Variants in CCDC3 observed in about 807,000 individuals in gnomAD.
CCDC3 encodes coiled-coil domain-containing protein 3.
In CCDC3, 24 loss-of-function variants were observed where a neutral mutation model predicts 21.4. The observed-to-expected ratio is 1.12, with a 90% CI of 0.81 to 1.58. The LOEUF is 1.58. CCDC3 is among the 40% of genes most tolerant of loss of function. The pLI is 0.00. For missense variants in CCDC3, 425 were observed against 360.9 expected (o/e 1.18, Z -1.44); for synonymous variants, 186 against 166.0 (o/e 1.12, Z -0.93).
At chr10:13,028,771 A>G (rs1374762074) in intron 5 of CCDC3, among the ~76,000 whole-genome samples, 1 of 152,220 alleles carries the variant, frequency 6.6e-6, no homozygotes, top group East Asian at 1.9e-4. Context: ...GCAGGATTGT[A>G]GTGGCACATG....
intron 3 of CCDC3, among the ~76,000 whole-genome samples, chr10:13,085,935 C>G (rs906157063): frequency 6.6e-6 from 1 of 150,384 alleles, no homozygotes; most frequent in Non-Finnish European, 1.5e-5. Flanking sequence ...CAACTGCACT[C>G]CAGCCTGGGT....
At chr10:12,944,275 T>C (rs902323454) in intron 2 of CCDC3, among the ~76,000 whole-genome samples, 2 of 152,226 alleles carry the variant, frequency 1.3e-5, no homozygotes, top group Admixed American at 1.3e-4. Flanking sequence ...ACATTCACCA[T>C]CCATTCTCTC....
intron 3 of CCDC3, among the ~76,000 whole-genome samples, chr10:13,079,832 G>A (rs911925992): frequency 6.6e-6 from 1 of 152,166 alleles, no homozygotes; most frequent in African/African-American, 2.4e-5. Flanking sequence ...GCTGGCAGAG[G>A]CAGGGAAGAG....
intron 2 of CCDC3, among the ~76,000 whole-genome samples, chr10:12,916,803 C>T (rs532351409): frequency 6.6e-6 from 1 of 152,278 alleles, no homozygotes; most frequent in Admixed American, 6.5e-5. Context: ...GGGTCTGTGG[C>T]TGCTGGCTTG....
intron 5 of CCDC3, among the ~76,000 whole-genome samples, chr10:13,026,081 T>G (rs1246577177): frequency 6.6e-6 from 1 of 152,072 alleles, no homozygotes; most frequent in East Asian, 1.9e-4. Context: ...CTCAGGAGGC[T>G]GAGGCACGAG....
chr10:13,022,276 T>C (rs1413766036), intron 5 of CCDC3, among the ~76,000 whole-genome samples: 2 of 152,094 alleles, frequency 1.3e-5, no homozygotes, highest in Admixed American at 1.3e-4. Context: ...TCCACACCTA[T>C]AAGGGCATGC....
chr10:12,978,154 G>A (rs1188272126), intron 2 of CCDC3, among the ~76,000 whole-genome samples: 2 of 152,214 alleles, frequency 1.3e-5, no homozygotes, highest in Non-Finnish European at 1.5e-5. Context: ...AAGTAGCTGG[G>A]ACTATAGGCA....
At chr10:13,024,717 C>T (rs1311650791) in intron 5 of CCDC3, among the ~76,000 whole-genome samples, 1 of 152,202 alleles carries the variant, frequency 6.6e-6, no homozygotes, top group Non-Finnish European at 1.5e-5. Flanking sequence ...TCATAGGCAA[C>T]TAAAAAGAAG....
chr10:13,096,842 C>G (rs748227765), intron 3 of CCDC3, among the ~76,000 whole-genome samples: 8 of 152,152 alleles, frequency 5.3e-5, no homozygotes, highest in Non-Finnish European at 4.4e-5. Context: ...CTCCTCCTCC[C>G]AATCTGGGGG....
At chr10:13,008,416 C>T (rs976386949) in intron 5 of CCDC3, among the ~76,000 whole-genome samples, 2 of 152,062 alleles carry the variant, frequency 1.3e-5, no homozygotes, top group Admixed American at 6.6e-5. Flanking sequence ...AGCAGCAGTG[C>T]GGTGAATGCC....
At chr10:13,010,611 T>C (rs541357605) in intron 5 of CCDC3, among the ~76,000 whole-genome samples, 3 of 152,332 alleles carry the variant, frequency 2.0e-5, no homozygotes, top group Admixed American at 2.0e-4. Context: ...CTCCTAGGGA[T>C]ATACTAGAGA....
chr10:12,938,908 G>C (rs538937465), intron 2 of CCDC3, among the ~76,000 whole-genome samples: 1 of 152,214 alleles, frequency 6.6e-6, no homozygotes, highest in East Asian at 1.9e-4. Flanking sequence ...CTGCGTTCTG[G>C]TCCATAGCCC....
At chr10:13,009,044 A>G (rs1387925978) in intron 5 of CCDC3, among the ~76,000 whole-genome samples, 1 of 152,258 alleles carries the variant, frequency 6.6e-6, no homozygotes, top group Non-Finnish European at 1.5e-5. Flanking sequence ...GAATCTACAA[A>G]AAAGCTACTA....
At chr10:13,071,986 A>G (rs940776768) in intron 4 of CCDC3, among the ~76,000 whole-genome samples, 1 of 152,060 alleles carries the variant, frequency 6.6e-6, no homozygotes, top group Non-Finnish European at 1.5e-5. Flanking sequence ...TTGGTTTAGT[A>G]CTGGGCTCAG....
chr10:12,931,708 G>T (rs989408825), intron 2 of CCDC3, among the ~76,000 whole-genome samples: 2 of 152,130 alleles, frequency 1.3e-5, no homozygotes, highest in Non-Finnish European at 2.9e-5. Flanking sequence ...AATATTTTCT[G>T]CTTAAAATAT....
intron 2 of CCDC3, among the ~76,000 whole-genome samples, chr10:12,977,552 T>C (rs1303057233): frequency 6.6e-6 from 1 of 152,132 alleles, no homozygotes; most frequent in Non-Finnish European, 1.5e-5. Context: ...TCCAGAAGCA[T>C]AAACCCCAGG....
intron 2 of CCDC3, among the ~76,000 whole-genome samples, chr10:12,963,968 G>C (rs1835219474): frequency 6.6e-6 from 1 of 152,126 alleles, no homozygotes; most frequent in Non-Finnish European, 1.5e-5. Context: ...GTCGTTATTG[G>C]TCTAAGCTAA....
intron 2 of CCDC3, among the ~76,000 whole-genome samples, chr10:12,900,345 A>G (rs1201970043): frequency 6.6e-6 from 1 of 151,962 alleles, no homozygotes; most frequent in Admixed American, 6.6e-5. Context: ...ATTCCCAAAG[A>G]AAGACTTGAG....
At chr10:13,059,959 C>T (rs936423018) in intron 4 of CCDC3, among the ~76,000 whole-genome samples, 1 of 152,002 alleles carries the variant, frequency 6.6e-6, no homozygotes, top group Non-Finnish European at 1.5e-5. Context: ...TGATGGCGGG[C>T]TGTAATCCCA....
Sources: gnomAD v4.1 joint callset for allele counts (sites outside exome capture counted in the v4.1 genomes callset) on GRCh38, gnomAD v4.1.1 for gene constraint, MANE v1.5 for transcripts, NCBI Gene and HGNC (gene_info 2026-07-23, HGNC 2026-07-21) for gene names.